Variants in MYO9B observed in about 807,000 individuals in gnomAD.
MYO9B encodes myosin IXB.
MYO9B carries 71 observed loss-of-function variants against 229.5 expected under a neutral mutation model. That is an observed-to-expected ratio of 0.31 (90% CI 0.26 to 0.38). The LOEUF (loss-of-function observed/expected upper bound fraction) is 0.38. Among genes scored for constraint, MYO9B ranks in the 10% least tolerant of loss-of-function variants. MYO9B has a pLI of 1.00. For synonymous variants in MYO9B, 1,185 were observed against 1,235.8 expected (o/e 0.96, Z 0.86); for missense variants, 2,255 against 2,920.5 (o/e 0.77, Z 5.25).
intron 2 of MYO9B, among the ~76,000 whole-genome samples, chr19:17,113,337 G>T (rs1237396331): frequency 1.3e-5 from 2 of 152,114 alleles, no homozygotes; most frequent in African/African-American, 4.8e-5. Flanking sequence ...GGCCGGGTTG[G>T]GGAAGCAGGG....
rs140332866 is a variant in MYO9B at position 17,170,753 on chromosome 19, A to G, written c.1794-1583A>G. Among the ~76,000 whole-genome samples the G allele has an allele frequency of 4.6e-4, 69 of 149,326 alleles. No individual in the cohort carries two copies. The East Asian group carries it at 0.013, about 29-fold the overall frequency. ...GCAGGAGGATCACTTGAGCCCAGAG[A>G]GTCAAGGCTACAGTGAGTTGTGATT... On this transcript the variant is annotated intron_variant, in intron 11 of 39. Coordinates refer to ENST00000682292, the MANE Select transcript of MYO9B (RefSeq NM_004145.4).
intron 38 of MYO9B, among the ~76,000 whole-genome samples, chr19:17,211,432 G>A (rs936638201): frequency 6.6e-6 from 1 of 152,094 alleles, no homozygotes; most frequent in South Asian, 2.1e-4. Context: ...ACACCACCAC[G>A]CCTGGCTAAT....
chr19:17,161,177 C>G (rs942721425), intron 8 of MYO9B, among the ~76,000 whole-genome samples: 4 of 152,160 alleles, frequency 2.6e-5, no homozygotes, highest in Non-Finnish European at 5.9e-5. Context: ...TAGTTAGACC[C>G]TCCTTGCTGG....
Position 17,192,829 on chromosome 19 carries a change from C to G in MYO9B, c.2895C>G (p.Ser965Arg). The G allele has an allele frequency of 6.4e-7, 1 of 1,554,642 alleles. No homozygotes were observed. The highest frequency in any genetic ancestry group is 1.2e-5 in the South Asian group (1 of 84,214). Residue 965 changes from serine to arginine, a missense_variant, in exon 21 of 40, where the codon AGC (serine) becomes AGG (arginine). Transcript: ENST00000682292. Reference protein sequence around the residue: ...EVVRKILLLQSWFRMVLERRH... With the variant: ...EVVRKILLLQRWFRMVLERRH... Reference sequence around the variant, plus strand: ...TGCGGAAAATCCTGCTGCTGCAGAGCTGGTTCCGGATGGTGCTGGAGCGTC... The same window carrying G: ...TGCGGAAAATCCTGCTGCTGCAGAGGTGGTTCCGGATGGTGCTGGAGCGTC...
intron 1 of MYO9B, among the ~76,000 whole-genome samples, chr19:17,087,578 C>G (rs2057595461): frequency 6.6e-6 from 1 of 152,160 alleles, no homozygotes; most frequent in African/African-American, 2.4e-5. Context: ...GGATTCATGT[C>G]CTGGGGCTTC....
At chr19:17,163,160 G>T in intron 10 of MYO9B, 38 bp downstream of exon 10, 1 of 1,538,996 alleles carries the variant, frequency 6.5e-7, no homozygotes, top group Non-Finnish European at 8.8e-7. Context: ...TTTGAACTTG[G>T]TAAATCAGAC....
Position 17,211,937 on chromosome 19 carries a change from C to CCCCCCCCCCCCCCCCCCCT in MYO9B, c.6101_6102insCCCCCCCCCCCCCCCCCCT (p.Ser2035ProfsTer171). 1 of 1,505,130 alleles carries CCCCCCCCCCCCCCCCCCCT rather than the reference C, an allele frequency of 6.6e-7. No individual in the cohort carries two copies. The highest frequency in any genetic ancestry group is 2.3e-5 in the East Asian group (1 of 42,714). The allele number at this position is 1,505,130 out of a possible 1,614,324, so 93.2% of individuals were successfully genotyped here. On this transcript the variant is annotated frameshift_variant, in exon 40 of 40. Coordinates refer to ENST00000682292, the MANE Select transcript of MYO9B (RefSeq NM_004145.4). LOFTEE classifies it low-confidence loss of function (END_TRUNC). ...CTCCCTTGCCCCGGCGCGCCCACCC[C>CCCCCCCCCCCCCCCCCCCT]GAGCCCCCTCCCCACCGTGGCCGCC...
In MYO9B at chr19:17,145,419, C is replaced by G; in HGVS notation, c.863C>G (p.Ala288Gly). 3.7e-6 allele frequency: 6 copies of G among 1,613,952 alleles called. No homozygotes were observed. Among genetic ancestry groups the G allele is most frequent in the Non-Finnish European group, 5.1e-6 (6 of 1,179,878 alleles). Residue 288 changes from alanine (A) to glycine (G), a missense_variant, in exon 3 of 40, where the codon GCC becomes GGC. Physicochemically the swap from Ala to Gly is moderately conservative, Grantham distance 60. Transcript: ENST00000682292. ...CAGGCTTTTGGAAATGCCAAGACAG[C>G]CCACAACAACAACTCCAGCCGGTTT... ...VLEAFGNAKT[A>G]HNNNSSRFGK...
chr19:17,132,522 ATTATTT>A (rs1291923987), intron 2 of MYO9B, among the ~76,000 whole-genome samples: 2 of 80,822 alleles, frequency 2.5e-5, no homozygotes, highest in African/African-American at 1.1e-4. Context: ...ATTTATTATT[ATTATTT>A]TTTTTTTTTT....
At chr19:17,118,636 C>G (rs1003252668) in intron 2 of MYO9B, among the ~76,000 whole-genome samples, 1 of 151,954 alleles carries the variant, frequency 6.6e-6, no homozygotes, top group African/African-American at 2.4e-5. Context: ...CGTGCGCCAT[C>G]ACGCCCACCT....
intron 2 of MYO9B, among the ~76,000 whole-genome samples, chr19:17,140,159 G>A (rs768318859): frequency 4.6e-5 from 7 of 152,162 alleles, no homozygotes; most frequent in Admixed American, 2.0e-4. Flanking sequence ...TGGGACCACC[G>A]TCATATATGT....
chr19:17,132,529 T>A (rs1299784905), intron 2 of MYO9B, among the ~76,000 whole-genome samples: 1,474 of 90,748 alleles, frequency 0.016, 26 homozygotes, highest in African/African-American at 0.068. Flanking sequence ...ATTATTATTT[T>A]TTTTTTTTTT....
At chr19:17,206,942 C>A in intron 34 of MYO9B, 158 bp downstream of exon 34, 2 of 1,253,612 alleles carry the variant, frequency 1.6e-6, no homozygotes, top group Non-Finnish European at 2.3e-6. Flanking sequence ...GGCTGCTGGG[C>A]CGCCCGGGTC....
Position 17,210,542 on chromosome 19 carries a change from G to C in MYO9B, c.5796+162G>C. On this transcript the variant is annotated intron_variant, in intron 37 of 39. Coordinates refer to ENST00000682292, the MANE Select transcript of MYO9B (RefSeq NM_004145.4). ...TTGCCTGCTGACCTTCTGTGCTCAG[G>C]ACGACTAATCGGCCACATGACCACC... The C allele has an allele frequency of 9.7e-6, 12 of 1,239,182 alleles. No homozygotes were observed. The South Asian group carries it at 1.9e-4, about 20-fold the overall frequency. The allele number at this position is 1,239,182 out of a possible 1,614,324, so 76.8% of individuals were successfully genotyped here. A position where few individuals can be genotyped will look rare whatever the true frequency, so the allele number is the denominator to read the frequency against.
chr19:17,181,198 A>G lies in MYO9B; in HGVS notation c.2333+158A>G, dbSNP rs551495050. Among the ~76,000 whole-genome samples the G allele has an allele frequency of 9.3e-4, 141 of 152,342 alleles. 1 individual carries two copies. The highest frequency in any genetic ancestry group is 3.2e-3 in the African/African-American group (135 of 41,582). On this transcript the variant is annotated intron_variant, in intron 15 of 39. Coordinates refer to ENST00000682292, the MANE Select transcript of MYO9B (RefSeq NM_004145.4). ...CCCAGCCATCACTAAATGCCAATCA[A>G]TAACACCCCTGGCCTCTGTCTGCAC... is the stretch of plus-strand genomic sequence containing the variant.
At chr19:17,188,133 A>G in intron 19 of MYO9B, 88 bp downstream of exon 19, 8 of 1,265,266 alleles carry the variant, frequency 6.3e-6, no homozygotes, top group Non-Finnish European at 8.9e-6. Flanking sequence ...GCTGGAGTGT[A>G]AACTCAGCAG....
rs772160072 is a variant in MYO9B, at chr19:17,206,257, C to T, written c.5267C>T (p.Ala1756Val). The change falls in exon 33 of 40, where the codon GCA (alanine) becomes GTA (valine). Residue 1756 changes from alanine (A) to valine (V), a missense_variant. This residue lies in a region of MYO9B where 416 missense variants were observed against 605.5 expected (regional missense o/e 0.69). Coordinates refer to ENST00000682292, the MANE Select transcript of MYO9B (RefSeq NM_004145.4). The part of the protein sequence containing the change: ...LRQALQTDPA[A>V]VKLENFPIHA... ...CCCACCCACCCCACAGACCCCGCAG[C>T]AGTCAAGCTGGAGAACTTCCCCATC... 2 of 1,578,418 alleles carry T rather than the reference C, an allele frequency of 1.3e-6. No homozygotes were observed. The highest frequency in any genetic ancestry group is 2.3e-5 in the South Asian group (2 of 86,282).
chr19:17,084,984 A>C (rs1460686708), intron 1 of MYO9B, among the ~76,000 whole-genome samples: 1 of 152,112 alleles, frequency 6.6e-6, no homozygotes, highest in Non-Finnish European at 1.5e-5. Context: ...AGAAACAATG[A>C]TATAGAAGAA....
chr19:17,137,519 C>T (rs771971445), intron 2 of MYO9B, among the ~76,000 whole-genome samples: 1 of 152,148 alleles, frequency 6.6e-6, no homozygotes, highest in Non-Finnish European at 1.5e-5. Flanking sequence ...ACCAGGTCAT[C>T]TCTCTCTGGG....
Sources: gnomAD v4.1 joint callset for allele counts (sites outside exome capture counted in the v4.1 genomes callset) on GRCh38, gnomAD v4.1.1 for gene constraint, gnomAD v4.1.1 regional missense constraint, MANE v1.5 for transcripts, NCBI Gene and HGNC (gene_info 2026-07-23, HGNC 2026-07-21) for gene names.